CP: variants seen among roughly 807,000 people sequenced by gnomAD.
CP encodes the protein caeruloplasmin.
CP carries 64 observed loss-of-function variants against 122.4 expected under a neutral mutation model. The ratio of observed to expected loss-of-function variants is 0.52; its 90% CI spans 0.43 to 0.64. The LOEUF (loss-of-function observed/expected upper bound fraction) is 0.64, where lower values mean the gene tolerates loss of function less well. Among genes scored for constraint, CP ranks in the 30% least tolerant of loss-of-function variants. The pLI is 0.00. For synonymous variants in CP, 440 were observed against 436.4 expected (o/e 1.01, Z -0.10); for missense variants, 1,167 against 1,284.4 (o/e 0.91, Z 1.40).
chr3:149,188,498 A>C lies in CP; in HGVS notation c.1714-296T>G, dbSNP rs1484536236. On this transcript the variant is annotated intron_variant, in intron 9 of 18. Transcript: ENST00000264613. Reference sequence around the variant, plus strand: ...ATACCAATTGAAGCCTCCAAAAAAAAAAAAAAAAAAAAAAAAAAAAAGTTA... The same window carrying C: ...ATACCAATTGAAGCCTCCAAAAAAACAAAAAAAAAAAAAAAAAAAAAGTTA... Among the ~76,000 whole-genome samples the C allele has an allele frequency of 3.5e-4, 48 of 135,594 alleles. 1 individual carries two copies. The highest frequency in any genetic ancestry group is 1.2e-3 in the African/African-American group (46 of 38,328). The allele number at this position is 135,594 out of a possible 152,430, so 89.0% of individuals were successfully genotyped here. A position where few individuals can be genotyped will look rare whatever the true frequency, so the allele number is the denominator to read the frequency against.
At chr3:149,176,039 T>A (rs972168205) in intron 18 of CP, 1 of 579,032 alleles carries the variant, frequency 1.7e-6, no homozygotes, top group African/African-American at 1.9e-5. Context: ...CTGGTGCTGT[T>A]ACAAGTACTG....
chr3:149,195,005 T>C (rs986227381), intron 9 of CP, among the ~76,000 whole-genome samples: 1 of 152,172 alleles, frequency 6.6e-6, no homozygotes. Flanking sequence ...TAGACTCACT[T>C]ATATATAAAT....
At chr3:149,220,628 G>A (rs1475829686) in intron 1 of CP, among the ~76,000 whole-genome samples, 1 of 151,660 alleles carries the variant, frequency 6.6e-6, no homozygotes. Flanking sequence ...TTATTTTTAT[G>A]GTGAAAAATT....
chr3:149,193,845 G>A (rs553691839), intron 9 of CP, among the ~76,000 whole-genome samples: 1 of 152,330 alleles, frequency 6.6e-6, no homozygotes, highest in African/African-American at 2.4e-5. Flanking sequence ...ATTCAGATGG[G>A]CATGAGAAAT....
chr3:149,164,267 G>T (rs1484810726), intron 5 of CP, among the ~76,000 whole-genome samples: 1 of 152,200 alleles, frequency 6.6e-6, no homozygotes, highest in Non-Finnish European at 1.5e-5. Context: ...CAAATGTTTA[G>T]TGGTGTTTTT....
intron 4 of CP, among the ~76,000 whole-genome samples, chr3:149,207,975 G>C (rs1325346494): frequency 1.3e-5 from 2 of 152,004 alleles, no homozygotes; most frequent in African/African-American, 4.8e-5. Context: ...ATAGAAAAAA[G>C]ATTGAATATT....
At chr3:149,187,768 TC>T (rs1392284861) in intron 10 of CP, among the ~76,000 whole-genome samples, 1 of 152,150 alleles carries the variant, frequency 6.6e-6, no homozygotes, top group Non-Finnish European at 1.5e-5. Context: ...AGGGTAGGGG[TC>T]TAAGAATTTG....
At chr3:149,195,687 A>C (rs1457494474) in intron 9 of CP, among the ~76,000 whole-genome samples, 1 of 152,016 alleles carries the variant, frequency 6.6e-6, no homozygotes, top group African/African-American at 2.4e-5. Flanking sequence ...ACACGGTGAA[A>C]CCCGTCTCTA....
downstream of CP, chr3:149,170,700 G>A (rs2108194507): frequency 6.6e-6 from 1 of 152,236 alleles, no homozygotes; most frequent in East Asian, 1.9e-4. Context: ...TCATTCTTTT[G>A]TGTAAAGAAA....
intron 4 of CP, chr3:149,166,977 T>G: frequency 7.7e-7 from 1 of 1,297,894 alleles, no homozygotes; most frequent in Non-Finnish European, 1.1e-6. Flanking sequence ...ATTCTGCATG[T>G]TGTGTTTTAG....
chr3:149,200,690 T>A (rs369421214), intron 7 of CP, among the ~76,000 whole-genome samples: 1 of 151,426 alleles, frequency 6.6e-6, no homozygotes, highest in East Asian at 1.9e-4. Context: ...TTTTTTTTTT[T>A]AGTAGAGATG....
chr3:149,179,019 A>G (rs373791033), intron 15 of CP, among the ~76,000 whole-genome samples: 1 of 152,176 alleles, frequency 6.6e-6, no homozygotes, highest in Non-Finnish European at 1.5e-5. Context: ...GTAATAATAA[A>G]TAGGACCACA....
chr3:149,215,971 G>A (rs1230041557), intron 1 of CP, among the ~76,000 whole-genome samples: 1 of 152,086 alleles, frequency 6.6e-6, no homozygotes, highest in Non-Finnish European at 1.5e-5. Flanking sequence ...CTATTTTTTA[G>A]TATTGCTTTG....
rs538222904 is a variant in CP, at chr3:149,197,487, C to T, written c.1713+880G>A. Among the ~76,000 whole-genome samples the T allele has an allele frequency of 9.2e-5, 14 of 151,542 alleles. No homozygotes were observed. The South Asian group carries it at 2.5e-3, about 27-fold the overall frequency. ...AATTATGTACTCCCTGACAGAAGTG[C>T]CCAGTACCACATTTGAAGCAGTCTT... is the stretch of plus-strand genomic sequence containing the variant. On this transcript the variant is annotated intron_variant, in intron 9 of 18. Transcript: ENST00000264613.
intron 2 of CP, 114 bp from the exon 3 acceptor site, chr3:149,210,493 C>T (rs940253770): frequency 1.1e-6 from 1 of 931,952 alleles, no homozygotes; most frequent in South Asian, 1.4e-5. Flanking sequence ...ACTATGTGAT[C>T]CTTGGGGATG....
chr3:149,202,020 G>T, intron 7 of CP, 82 bp downstream of exon 7: 1 of 1,553,168 alleles, frequency 6.4e-7, no homozygotes. Context: ...CATGCAGTAG[G>T]TCCTGAAGTT....
chr3:149,207,027 T>G (rs1727774378), intron 5 of CP, among the ~76,000 whole-genome samples: 1 of 152,086 alleles, frequency 6.6e-6, no homozygotes, highest in African/African-American at 2.4e-5. Context: ...TTGACAGAAA[T>G]AAGTCGAAAA....
intron 4 of CP, among the ~76,000 whole-genome samples, chr3:149,208,457 G>A (rs546160681): frequency 4.6e-5 from 7 of 151,912 alleles, no homozygotes; most frequent in Non-Finnish European, 1.0e-4. Flanking sequence ...AGTAAAAGTT[G>A]GAAACAAAAT....
intron 12 of CP, among the ~76,000 whole-genome samples, chr3:149,184,123 C>T (rs1470863358): frequency 7.4e-6 from 1 of 134,266 alleles, no homozygotes; most frequent in Non-Finnish European, 1.5e-5. Context: ...GCAAGCTCTG[C>T]CTCCCGGGTT....
Sources: gnomAD v4.1 joint callset for allele counts (sites outside exome capture counted in the v4.1 genomes callset) on GRCh38, gnomAD v4.1.1 for gene constraint, MANE v1.5 for transcripts, NCBI Gene and HGNC (gene_info 2026-07-23, HGNC 2026-07-21) for gene names.